The following FNTA variants were observed in gnomAD, a reference collection of about 807,000 sequenced individuals.
FNTA encodes the protein farnesyltransferase, CAAX box, subunit alpha, also known as protein farnesyltransferase/geranylgeranyltransferase type-1 subunit alpha.
A neutral mutation model predicts 55.2 loss-of-function variants in FNTA; 27 were observed. That is an observed-to-expected ratio of 0.49 (90% CI 0.36 to 0.67). The LOEUF is 0.67. Among genes scored for constraint, FNTA ranks in the 30% least tolerant of loss-of-function variants. The pLI is 0.00. For synonymous variants in FNTA, 176 were observed against 170.7 expected, an observed-to-expected ratio of 1.03 and a Z score of -0.24; for missense variants, 422 against 464.7, an observed-to-expected ratio of 0.91 and a Z score of 0.85.
At chr8:43,072,402 C>T in intron 5 of FNTA, 95 bp downstream of exon 5, 4 of 864,840 alleles carry the variant, frequency 4.6e-6, no homozygotes, top group Non-Finnish European at 6.6e-6. Context: ...AAAACACACA[C>T]ATACGTAGAT....
At position 43,056,685 on chromosome 8, in the gene FNTA, G is replaced by T. The variant is rs1430687603; in HGVS notation, c.200+139G>T. 1.2e-5 allele frequency: 5 copies of T among 427,680 alleles called. No individual in the cohort carries two copies. In the South Asian group the frequency reaches 5.4e-4, roughly 47 times the overall value. The allele number at this position is 427,680 out of a possible 1,614,324, so 26.5% of individuals were successfully genotyped here. A position where few individuals can be genotyped will look rare whatever the true frequency, so the allele number is the denominator to read the frequency against. Reference sequence around the variant, plus strand: ...CGCGTGGGCCGGTGCATGGCGCTGGGCCCGGGCGGCTGCCGGGACGTCGCC... The same window carrying T: ...CGCGTGGGCCGGTGCATGGCGCTGGTCCCGGGCGGCTGCCGGGACGTCGCC... On this transcript the variant is annotated intron_variant, in intron 1 of 8. Coordinates refer to ENST00000302279, the MANE Select transcript of FNTA (RefSeq NM_002027.3).
chr8:43,083,439 G>T (rs934476719), intron 7 of FNTA, among the ~76,000 whole-genome samples: 1 of 152,158 alleles, frequency 6.6e-6, no homozygotes, highest in South Asian at 2.1e-4. Flanking sequence ...TAAGAATCCT[G>T]TAGTCTTTAT....
chr8:43,069,043 TTTC>T (rs1466230296), intron 3 of FNTA, among the ~76,000 whole-genome samples: 4 of 151,932 alleles, frequency 2.6e-5, no homozygotes, highest in African/African-American at 7.3e-5. Context: ...AAGTGCTTCA[TTTC>T]TTCCAGTCAC....
At chr8:43,077,593 A>C (rs1810941202) in intron 6 of FNTA, 5 of 336,142 alleles carry the variant, frequency 1.5e-5, no homozygotes, top group Non-Finnish European at 5.4e-6. Flanking sequence ...AAGAAATCTT[A>C]ATGTTATGGG....
intron 5 of FNTA, among the ~76,000 whole-genome samples, chr8:43,074,825 C>A (rs1810872954): frequency 6.6e-6 from 1 of 152,096 alleles, no homozygotes; most frequent in African/African-American, 2.4e-5. Context: ...AGTTCTCCAT[C>A]TTGATTGTGG....
chr8:43,072,192 G>A lies in FNTA; in HGVS notation c.518G>A (p.Arg173Gln), dbSNP rs768901399. ...PKNYQVWHHR[R>Q]VLVEWLRDPS... ...TCTTTGGGCTTTAGGCATCATAGGCGAGTATTAGTGGAATGGCTAAGAGAT... is the reference window on the plus strand; with the variant it reads ...TCTTTGGGCTTTAGGCATCATAGGCAAGTATTAGTGGAATGGCTAAGAGAT... The change falls in exon 5 of 9, where the codon CGA becomes CAA. Residue 173 changes from arginine (R) to glutamine (Q), a missense_variant. Arg to Gln is a conservative substitution (Grantham distance 43). Transcript: ENST00000302279. 1.9e-6 allele frequency: 3 copies of A among 1,543,312 alleles called. No individual in the cohort carries two copies. In the South Asian group the frequency reaches 3.8e-5, roughly 19 times the overall value.
intron 3 of FNTA, among the ~76,000 whole-genome samples, chr8:43,069,129 G>C (rs181080969): frequency 6.6e-6 from 1 of 151,032 alleles, no homozygotes; most frequent in Admixed American, 6.6e-5. Context: ...TTTTTTGGGT[G>C]GGGGTGGATG....
chr8:43,056,637 C>A, intron 1 of FNTA, 91 bp downstream of exon 1: 2 of 900,492 alleles, frequency 2.2e-6, no homozygotes, highest in Non-Finnish European at 2.9e-6. Context: ...CCCCGGCGCG[C>A]CAGGCCGAAG....
At chr8:43,075,781 A>G (rs753963461) in intron 5 of FNTA, among the ~76,000 whole-genome samples, 12 of 152,222 alleles carry the variant, frequency 7.9e-5, no homozygotes, top group Admixed American at 3.9e-4. Context: ...ATGCCACTGC[A>G]CTGCAGCCTG....
chr8:43,063,844 G>T (rs1219535027), intron 2 of FNTA, among the ~76,000 whole-genome samples: 1 of 152,198 alleles, frequency 6.6e-6, no homozygotes, highest in African/African-American at 2.4e-5. Flanking sequence ...GCCTATGGGA[G>T]ATATGGAATC....
chr8:43,066,942 A>AGGG (rs2130551358), intron 3 of FNTA, among the ~76,000 whole-genome samples: 1 of 152,356 alleles, frequency 6.6e-6, no homozygotes, highest in Non-Finnish European at 1.5e-5. Flanking sequence ...GGTGTTAGGC[A>AGGG]GGGGAAGATG....
Position 43,072,302 on chromosome 8 carries a change from A to G in FNTA, c.628A>G (p.Ile210Val), listed in dbSNP as rs1251261434. The change falls in exon 5 of 9, where the codon ATT becomes GTT. Residue 210 changes from isoleucine (I) to valine (V), a missense_variant. By Grantham distance (29) the Ile-to-Val change is conservative (BLOSUM62 3). Coordinates refer to ENST00000302279, the MANE Select transcript of FNTA (RefSeq NM_002027.3). ...YHAWQHRQWVIQEFKLWDNEL... is the reference protein window; with the variant it reads ...YHAWQHRQWVVQEFKLWDNEL... ...TGCCTGGCAGCATCGACAATGGGTTATTCAGGTATTGCCTTTCTTGTACAG... is the reference window on the plus strand; with the variant it reads ...TGCCTGGCAGCATCGACAATGGGTTGTTCAGGTATTGCCTTTCTTGTACAG... The G allele has an allele frequency of 6.4e-7, 1 of 1,572,776 alleles. No homozygotes were observed. Among genetic ancestry groups the G allele is most frequent in the Non-Finnish European group, 8.6e-7 (1 of 1,160,926 alleles).
At chr8:43,083,216 AAG>A in intron 7 of FNTA, 36 bp downstream of exon 7, 1 of 1,261,746 alleles carries the variant, frequency 7.9e-7, no homozygotes, top group Non-Finnish European at 1.1e-6. Context: ...ATATATAAAA[AAG>A]AAGTGGCTAT....
chr8:43,058,970 A>AT (rs1441277480), intron 1 of FNTA, 122 bp from the exon 2 acceptor site: 2 of 675,028 alleles, frequency 3.0e-6, no homozygotes, highest in African/African-American at 3.7e-5. Context: ...CCATGATTAC[A>AT]TTATGAGCCC....
At chr8:43,074,538 T>A (rs1321684292) in intron 5 of FNTA, among the ~76,000 whole-genome samples, 2 of 101,280 alleles carry the variant, frequency 2.0e-5, no homozygotes, top group Non-Finnish European at 4.5e-5. Flanking sequence ...AGAAAAAAAA[T>A]TAAAAGTGAA....
At position 43,085,332 on chromosome 8, in the gene FNTA, C is replaced by T. The variant is rs145361728; in HGVS notation, c.*50C>T. The T allele has an allele frequency of 3.8e-6, 6 of 1,566,594 alleles. No individual in the cohort carries two copies. In the African/African-American group the frequency reaches 4.1e-5, roughly 11 times the overall value. The stretch of plus-strand genomic sequence containing the variant: ...ATGCTTTTATTTTTTATTAAGGGAC[C>T]CTGCAGGAGTTTCACACGAGAGTGG... On this transcript the variant is annotated 3_prime_UTR_variant, in exon 9 of 9. Coordinates refer to ENST00000302279, the MANE Select transcript of FNTA (RefSeq NM_002027.3).
chr8:43,067,000 A>T (rs143901907), intron 3 of FNTA, among the ~76,000 whole-genome samples: 2,002 of 152,254 alleles, frequency 0.013, 46 homozygotes, highest in African/African-American at 0.045. Context: ...CTTTTTGCAG[A>T]TCTTATCCTG....
intron 5 of FNTA, among the ~76,000 whole-genome samples, chr8:43,075,815 C>G (rs751544643): frequency 2.6e-5 from 4 of 151,876 alleles, no homozygotes; most frequent in Non-Finnish European, 5.9e-5. Context: ...GACGCTGTCT[C>G]AATAAAAATA....
chr8:43,073,674 AATT>A, intron 5 of FNTA: 1 of 152,200 alleles, frequency 6.6e-6, no homozygotes, highest in East Asian at 1.9e-4. Context: ...AAAAAAAAAA[AATT>A]ATGTGAGTCA....
Sources: gnomAD v4.1 joint callset for allele counts (sites outside exome capture counted in the v4.1 genomes callset) on GRCh38, gnomAD v4.1.1 for gene constraint, MANE v1.5 for transcripts, NCBI Gene and HGNC (gene_info 2026-07-23, HGNC 2026-07-21) for gene names.